Variants in SAMD4A observed in about 807,000 individuals in gnomAD.
SAMD4A encodes sterile alpha motif domain containing 4A.
A neutral mutation model predicts 81.3 loss-of-function variants in SAMD4A; 33 were observed. The observed-to-expected ratio is 0.41, with a 90% CI of 0.31 to 0.54. The LOEUF (loss-of-function observed/expected upper bound fraction) is 0.54, where lower values mean the gene tolerates loss of function less well. Among genes scored for constraint, SAMD4A ranks in the 20% least tolerant of loss-of-function variants. The pLI is 0.37. For missense variants in SAMD4A, 854 were observed against 951.1 expected, an observed-to-expected ratio of 0.90 and a Z score of 1.34; for synonymous variants, 389 against 382.1, an observed-to-expected ratio of 1.02 and a Z score of -0.21.
chr14:54,750,343 G>T (rs1415943743), intron 5 of SAMD4A, among the ~76,000 whole-genome samples: 1 of 152,148 alleles, frequency 6.6e-6, no homozygotes, highest in Admixed American at 6.5e-5. Context: ...AGATGTTGTT[G>T]ATATTCCTAT....
upstream of SAMD4A, among the ~76,000 whole-genome samples, chr14:54,566,254 G>A (rs2032928536): frequency 6.6e-6 from 1 of 151,280 alleles, no homozygotes; most frequent in African/African-American, 2.4e-5. Context: ...GCTGAGAGCC[G>A]CCGCGGCCCC....
At chr14:54,702,833 A>G in intron 3 of SAMD4A, 1 of 444,010 alleles carries the variant, frequency 2.3e-6, no homozygotes, top group Non-Finnish European at 4.0e-6. Context: ...AAATAAATAG[A>G]CAATAAATGA....
chr14:54,639,801 A>AACACACACACACACACACACAC (rs10677522), intron 2 of SAMD4A, among the ~76,000 whole-genome samples: 7 of 148,844 alleles, frequency 4.7e-5, no homozygotes, highest in African/African-American at 1.7e-4. Context: ...CATTGCTTGA[A>AACACACACACACACACACACAC]ACACACACAC....
chr14:54,775,228 G>A, intron 10 of SAMD4A, 93 bp downstream of exon 10: 1 of 1,394,328 alleles, frequency 7.2e-7, no homozygotes, highest in Non-Finnish European at 1.0e-6. Flanking sequence ...GGGGAGAGAG[G>A]CCAAAGGGGA....
At chr14:54,614,508 G>C (rs1225893058) in intron 2 of SAMD4A, among the ~76,000 whole-genome samples, 1 of 152,076 alleles carries the variant, frequency 6.6e-6, no homozygotes, top group Non-Finnish European at 1.5e-5. Flanking sequence ...CATAAACTTG[G>C]GTATTAATAA....
intron 2 of SAMD4A, among the ~76,000 whole-genome samples, chr14:54,665,166 C>T (rs1363751055): frequency 1.3e-5 from 2 of 152,132 alleles, no homozygotes; most frequent in Non-Finnish European, 2.9e-5. Context: ...GGAAGAATAA[C>T]ATTTTACAGT....
At chr14:54,783,199 C>G (rs1267311903) in intron 11 of SAMD4A, among the ~76,000 whole-genome samples, 2 of 151,476 alleles carry the variant, frequency 1.3e-5, no homozygotes, top group Non-Finnish European at 2.9e-5. Context: ...CAACTCTTAG[C>G]TGTCAGAGTT....
intron 3 of SAMD4A, among the ~76,000 whole-genome samples, chr14:54,714,536 G>A (rs568623002): frequency 2.6e-4 from 40 of 152,114 alleles, no homozygotes; most frequent in Admixed American, 2.2e-3. Flanking sequence ...GGGAGCAGAA[G>A]GGCACAAGTA....
chr14:54,764,082 C>T (rs2038475575), intron 7 of SAMD4A, among the ~76,000 whole-genome samples: 1 of 152,222 alleles, frequency 6.6e-6, no homozygotes, highest in African/African-American at 2.4e-5. Context: ...ACGGAGGCTG[C>T]TCTCTGACAG....
At chr14:54,607,901 C>T (rs1246411722) in intron 2 of SAMD4A, among the ~76,000 whole-genome samples, 5 of 151,154 alleles carry the variant, frequency 3.3e-5, no homozygotes, top group Admixed American at 6.6e-5. Flanking sequence ...CTCTAATCCC[C>T]GCTACTCGGG....
In SAMD4A at chr14:54,760,255, C is replaced by T. The variant is rs563847886; in HGVS notation, c.1271C>T (p.Thr424Ile). Residue 424 changes from threonine to isoleucine, a missense_variant, in exon 7 of 13, where the codon ACC (threonine) becomes ATC (isoleucine). By Grantham distance (89) the Thr-to-Ile change is moderately conservative (BLOSUM62 -1). Transcript: ENST00000554335. ...AAGGCCTACAGCTCCCCGAGCACCA[C>T]CCCCGAGGCTCGCCGCCGGGAGCCC... Reference protein sequence around the residue: ...PIKAYSSPSTTPEARRREPQA... With the variant: ...PIKAYSSPSTIPEARRREPQA... 7 of 1,612,966 alleles carry T rather than the reference C, an allele frequency of 4.3e-6. No homozygotes were observed. Among genetic ancestry groups the T allele is most frequent in the African/African-American group, 1.3e-5 (1 of 74,900 alleles).
At chr14:54,759,151 T>C (rs918747700) in intron 6 of SAMD4A, among the ~76,000 whole-genome samples, 4 of 152,194 alleles carry the variant, frequency 2.6e-5, no homozygotes, top group African/African-American at 4.8e-5. Context: ...TAAAGACATA[T>C]ATATTATATT....
At chr14:54,710,746 C>T (rs141437439) in intron 3 of SAMD4A, among the ~76,000 whole-genome samples, 4 of 152,168 alleles carry the variant, frequency 2.6e-5, no homozygotes, top group South Asian at 2.1e-4. Flanking sequence ...CCACACAACT[C>T]GGTGTCAGCT....
intron 4 of SAMD4A, among the ~76,000 whole-genome samples, chr14:54,748,512 C>T (rs183197495): frequency 6.6e-6 from 1 of 152,240 alleles, no homozygotes; most frequent in African/African-American, 2.4e-5. Context: ...GAAAACTCCC[C>T]ATCTACTCAC....
chr14:54,702,268 A>G lies in SAMD4A; in HGVS notation c.403A>G (p.Thr135Ala). 1 of 1,614,172 alleles carries G rather than the reference A, an allele frequency of 6.2e-7. No homozygotes were observed. Among genetic ancestry groups the G allele is most frequent in the South Asian group, 1.1e-5 (1 of 91,074 alleles). Reference sequence around the variant, plus strand: ...GTCCTATGCTTTGATACATCCAGCCACTTCGTTAGAAGACCGTAGTGCTTT... The same window carrying G: ...GTCCTATGCTTTGATACATCCAGCCGCTTCGTTAGAAGACCGTAGTGCTTT... ...LLSYALIHPA[T>A]SLEDRSALAM... is the part of the protein sequence containing the mutation. Residue 135 changes from threonine to alanine, a missense_variant, in exon 3 of 13, where the codon ACT becomes GCT. By Grantham distance (58) the Thr-to-Ala change is moderately conservative. This residue lies in a region of SAMD4A where 387 missense variants were observed against 405.8 expected (regional missense o/e 0.95). Transcript: ENST00000554335.
intron 2 of SAMD4A, among the ~76,000 whole-genome samples, chr14:54,593,217 A>G (rs1327270806): frequency 6.6e-6 from 1 of 152,196 alleles, no homozygotes; most frequent in Non-Finnish European, 1.5e-5. Flanking sequence ...CTAGTTTTCT[A>G]TAATTATAGA....
chr14:54,573,747 T>C (rs1463550195), intron 2 of SAMD4A, among the ~76,000 whole-genome samples: 1 of 152,206 alleles, frequency 6.6e-6, no homozygotes, highest in Non-Finnish European at 1.5e-5. Flanking sequence ...TTTGCTTCCA[T>C]TGAAGCTGCC....
intron 11 of SAMD4A, among the ~76,000 whole-genome samples, chr14:54,783,792 G>C (rs1434375531): frequency 6.6e-6 from 1 of 152,172 alleles, no homozygotes; most frequent in African/African-American, 2.4e-5. Context: ...CCCCCCACGT[G>C]GTCTCACACT....
chr14:54,624,897 C>A (rs1413005797), intron 2 of SAMD4A, among the ~76,000 whole-genome samples: 1 of 151,992 alleles, frequency 6.6e-6, no homozygotes, highest in African/African-American at 2.4e-5. Context: ...TAAATACAAC[C>A]TTTCAGGATG....
Sources: allele counts gnomAD v4.1 joint callset (sites outside exome capture counted in the v4.1 genomes callset), GRCh38; gene constraint gnomAD v4.1.1; regional missense constraint gnomAD v4.1.1; transcripts MANE v1.5; gene names NCBI Gene and HGNC (gene_info 2026-07-23, HGNC 2026-07-21).